Variants in COL4A5 observed in about 807,000 individuals in gnomAD.
COL4A5 encodes collagen alpha-5(IV) chain.
A neutral mutation model predicts 130.2 loss-of-function variants in COL4A5; 26 were observed. That is an observed-to-expected ratio of 0.20 (90% CI 0.15 to 0.28). The LOEUF is 0.28. Ranked by LOEUF, COL4A5 falls within the 10% of genes least tolerant of loss-of-function variation. The pLI, the probability that COL4A5 is intolerant of heterozygous loss-of-function variation, is 1.00. For missense variants in COL4A5, 1,131 were observed against 1,344.3 expected (o/e 0.84, Z 2.48); for synonymous variants, 496 against 439.6 (o/e 1.13, Z -1.60).
chrX:108,686,005 T>C lies in COL4A5; in HGVS notation c.4217-26T>C, dbSNP rs762972963. 9.7e-6 allele frequency: 11 copies of C among 1,134,831 alleles called. No individual in the cohort carries two copies. In the East Asian group the frequency reaches 3.0e-4, roughly 31 times the overall value. 93.5% of individuals were successfully genotyped at this position (1,134,831 alleles called of 1,213,427 possible). On this transcript the variant is annotated intron_variant, in intron 47 of 52. Coordinates refer to ENST00000328300, the MANE Select transcript of COL4A5 (RefSeq NM_033380.3). Reference sequence around the variant, plus strand: ...AGATGTGAAAATATTCTACTCATATTTGAATGCCTCATTCTTTTCCTGTAG... The same window carrying C: ...AGATGTGAAAATATTCTACTCATATCTGAATGCCTCATTCTTTTCCTGTAG...
chrX:108,553,110 A>G (rs976170134), intron 2 of COL4A5, among the ~76,000 whole-genome samples: 4 of 111,819 alleles, frequency 3.6e-5, no homozygotes, highest in African/African-American at 1.3e-4. Flanking sequence ...ACCTAGATGT[A>G]AAATCTAAAC....
intron 1 of COL4A5, among the ~76,000 whole-genome samples, chrX:108,486,464 G>A (rs762213247): frequency 1.8e-5 from 2 of 111,271 alleles, no homozygotes; most frequent in South Asian, 7.7e-4. Context: ...GTGGTGTTTG[G>A]TTATATGAAT....
rs753277639 is a variant in COL4A5 at position 108,635,833 on chromosome X, G to A, written c.3246+9484G>A. ...CAACAAATGATGCTGGAACATGGAT[G>A]CAGCTGGAGGCTACTATCTATCCTA... is the stretch of plus-strand genomic sequence containing the variant. On this transcript the variant is annotated intron_variant, in intron 36 of 52. Transcript: ENST00000328300. Among the ~76,000 whole-genome samples the A allele has an allele frequency of 3.6e-5, 4 of 112,550 alleles. No homozygotes were observed. In the South Asian group the frequency reaches 1.5e-3, roughly 41 times the overall value.
chrX:108,562,165 C>G (rs192803429), intron 3 of COL4A5, among the ~76,000 whole-genome samples: 119 of 112,050 alleles, frequency 1.1e-3, no homozygotes, highest in African/African-American at 3.4e-3. Context: ...TTGGACTACA[C>G]TGTCACACTC....
At position 108,677,493 on chromosome X, in the gene COL4A5, T is replaced by C; in HGVS notation, c.3809-7T>C. On this transcript the variant is annotated splice_polypyrimidine_tract_variant and splice_region_variant and intron_variant, in intron 43 of 52. Coordinates refer to ENST00000328300, the MANE Select transcript of COL4A5 (RefSeq NM_033380.3). ...TGAAATGTCGTCATTTGCTGTGGAT[T>C]ATTAAGGTCTACCAGGTCCAGAAGG... is the stretch of plus-strand genomic sequence containing the variant. 1 of 1,207,480 alleles carries C rather than the reference T, an allele frequency of 8.3e-7. No homozygotes were observed. Among genetic ancestry groups the C allele is most frequent in the Non-Finnish European group, 1.1e-6 (1 of 892,314 alleles).
rs747768366 is a variant in COL4A5, at chrX:108,601,416, A to C, written c.1972A>C (p.Thr658Pro). Residue 658 changes from threonine to proline, a missense_variant, in exon 26 of 53, where the codon ACT becomes CCT. Transcript: ENST00000328300. ...IPGPKGDPGQ[T>P]ITQPGKPGLP... ...AGGTCCTAAAGGGGATCCAGGTCAG[A>C]CTATAACCCAGCCGGGGAAGCCTGG... 13 of 1,205,569 alleles carry C rather than the reference A, an allele frequency of 1.1e-5. No homozygotes were observed. The highest frequency in any genetic ancestry group is 2.2e-5 in the Admixed American group (1 of 45,587).
At chrX:108,471,237 A>C (rs902727418) in intron 1 of COL4A5, among the ~76,000 whole-genome samples, 20 of 112,121 alleles carry the variant, frequency 1.8e-4, no homozygotes, top group African/African-American at 6.2e-4. Context: ...TGTTTTGGGC[A>C]GTATGGCCAT....
At chrX:108,453,017 TGA>T (rs1297738536) in intron 1 of COL4A5, among the ~76,000 whole-genome samples, 2 of 111,236 alleles carry the variant, frequency 1.8e-5, no homozygotes, top group Non-Finnish European at 3.8e-5. Flanking sequence ...CCTAATTTAT[TGA>T]GAGTTTTTAG....
intron 1 of COL4A5, among the ~76,000 whole-genome samples, chrX:108,499,633 T>C (rs181436919): frequency 1.3e-3 from 143 of 111,739 alleles, no homozygotes; most frequent in Middle Eastern, 4.6e-3. Context: ...TTGTATTGTG[T>C]TTATTTAATT....
At chrX:108,626,409 T>A (rs182916512) in intron 36 of COL4A5, 60 bp downstream of exon 36, 5 of 1,186,028 alleles carry the variant, frequency 4.2e-6, no homozygotes, top group Admixed American at 4.4e-5. Context: ...TTTTTAATAC[T>A]ATGCTCATTC....
At chrX:108,442,695 T>G (rs1207232218) in intron 1 of COL4A5, among the ~76,000 whole-genome samples, 1 of 111,640 alleles carries the variant, frequency 9.0e-6, no homozygotes, top group Non-Finnish European at 1.9e-5. Context: ...TTTGTAGCCA[T>G]GAAACACTTC....
rs182387384 is a variant in COL4A5, at chrX:108,650,861, C to A, written c.3247-4470C>A. On this transcript the variant is annotated intron_variant, in intron 36 of 52. Coordinates refer to ENST00000328300, the MANE Select transcript of COL4A5 (RefSeq NM_033380.3). ...TTGGGTGATGGGTGCACCAAAATCT[C>A]ACAAATCACCACTAAAGAACTTACT... Among the ~76,000 whole-genome samples the A allele has an allele frequency of 8.9e-4, 98 of 110,004 alleles. 1 individual carries two copies. The East Asian group carries it at 0.023, about 26-fold the overall frequency.
chrX:108,687,793 A>G (rs1190074491), intron 49 of COL4A5, 99 bp downstream of exon 49: 2 of 740,461 alleles, frequency 2.7e-6, no homozygotes, highest in Non-Finnish European at 4.2e-6. Context: ...GCCTCTCTCT[A>G]TTCTTTTGGG....
intron 42 of COL4A5, among the ~76,000 whole-genome samples, chrX:108,671,853 G>A (rs1411740216): frequency 8.9e-6 from 1 of 111,958 alleles, no homozygotes; most frequent in East Asian, 2.8e-4. Flanking sequence ...AGGCCAAAAA[G>A]TAGGCCCAAG....
At chrX:108,563,336 T>G (rs2065923471) in intron 3 of COL4A5, among the ~76,000 whole-genome samples, 1 of 111,687 alleles carries the variant, frequency 9.0e-6, no homozygotes, top group Non-Finnish European at 1.9e-5. Flanking sequence ...TAGGTTCTTT[T>G]GCATGGAACT....
intron 1 of COL4A5, among the ~76,000 whole-genome samples, chrX:108,504,645 T>C (rs1237012680): frequency 8.9e-6 from 1 of 112,309 alleles, no homozygotes; most frequent in Non-Finnish European, 1.9e-5. Flanking sequence ...TCATGCTCAA[T>C]ATCACTAATC....
In COL4A5 at chrX:108,609,085, C is replaced by A. The variant is rs749676682; in HGVS notation, c.2395+2193C>A. ...AAGTTTTTGGCTACTATGAGTGAAG[C>A]TGTTAAAGACATTTTTTACAATTCT... On this transcript the variant is annotated intron_variant, in intron 29 of 52. Transcript: ENST00000328300. Among the ~76,000 whole-genome samples, 3 of 111,835 alleles carry A rather than the reference C, an allele frequency of 2.7e-5. 1 individual carries two copies. The East Asian group carries it at 8.4e-4, about 31-fold the overall frequency.
chrX:108,681,023 A>G (rs759464503), intron 46 of COL4A5, 67 bp downstream of exon 46: 2 of 1,011,148 alleles, frequency 2.0e-6, no homozygotes, highest in Non-Finnish European at 2.8e-6. Context: ...GAAAGTTTTC[A>G]TTCTGTCTTT....
At chrX:108,572,961 C>T (rs2066089193) in intron 8 of COL4A5, among the ~76,000 whole-genome samples, 1 of 111,140 alleles carries the variant, frequency 9.0e-6, no homozygotes, top group Non-Finnish European at 1.9e-5. Flanking sequence ...ATGTGCCAAA[C>T]GTTTTGCTTT....
Sources: gnomAD v4.1 joint callset for allele counts (sites outside exome capture counted in the v4.1 genomes callset) on GRCh38, gnomAD v4.1.1 for gene constraint, MANE v1.5 for transcripts, NCBI Gene and HGNC (gene_info 2026-07-23, HGNC 2026-07-21) for gene names.